The following WAC variants were observed in gnomAD, a reference collection of about 807,000 sequenced individuals.
WAC encodes the protein WW domain-containing adapter protein with coiled-coil.
WAC carries 11 observed loss-of-function variants against 79.6 expected under a neutral mutation model. The ratio of observed to expected loss-of-function variants is 0.14; its 90% CI spans 0.09 to 0.23. The LOEUF is 0.23. Among genes scored for constraint, WAC ranks in the 10% least tolerant of loss-of-function variants. The pLI, the probability that WAC is intolerant of heterozygous loss-of-function variation, is 1.00. For missense variants in WAC, 728 were observed against 773.5 expected (o/e 0.94, Z 0.70); for synonymous variants, 304 against 276.9 (o/e 1.10, Z -0.97).
intron 3 of WAC, 130 bp downstream of exon 3, chr10:28,535,887 A>ATTT: frequency 1.4e-6 from 1 of 714,010 alleles, no homozygotes; most frequent in Non-Finnish European, 2.1e-6. Context: ...TAATCCTATC[A>ATTT]TTTTTTTTTT....
intron 7 of WAC, among the ~76,000 whole-genome samples, chr10:28,601,468 T>A (rs1840645046): frequency 6.6e-6 from 1 of 152,128 alleles, no homozygotes; most frequent in African/African-American, 2.4e-5. Flanking sequence ...GGTAGGAATG[T>A]AAAATGATGC....
At chr10:28,535,286 A>AT (rs369962075) in intron 2 of WAC, 7 of 262,016 alleles carry the variant, frequency 2.7e-5, no homozygotes, top group African/African-American at 1.1e-4. Flanking sequence ...AAATTTTTTT[A>AT]TTTTTTGCAG....
chr10:28,534,998 ATTAGT>A (rs1836556329), intron 2 of WAC, among the ~76,000 whole-genome samples: 1 of 152,152 alleles, frequency 6.6e-6, no homozygotes, highest in South Asian at 2.1e-4. Flanking sequence ...TAGTACTCAC[ATTAGT>A]TTATTTTGGT....
At chr10:28,560,643 C>T (rs1838250162) in intron 3 of WAC, among the ~76,000 whole-genome samples, 1 of 152,132 alleles carries the variant, frequency 6.6e-6, no homozygotes, top group Non-Finnish European at 1.5e-5. Flanking sequence ...GTATATTCCA[C>T]CCAGACTCTT....
chr10:28,614,720 T>G, intron 11 of WAC, 35 bp downstream of exon 11: 2 of 1,489,064 alleles, frequency 1.3e-6, no homozygotes, highest in Non-Finnish European at 1.9e-6. Context: ...CCACATTGTT[T>G]TATTTAATGA....
At chr10:28,616,056 T>A (rs1403814375) in intron 11 of WAC, 117 bp from the exon 12 acceptor site, 1 of 825,684 alleles carries the variant, frequency 1.2e-6, no homozygotes, top group Non-Finnish European at 1.8e-6. Flanking sequence ...AATAACAAAT[T>A]TTTCTTAGGA....
At chr10:28,575,733 A>C (rs1259243768) in intron 3 of WAC, among the ~76,000 whole-genome samples, 1 of 152,178 alleles carries the variant, frequency 6.6e-6, no homozygotes, top group Non-Finnish European at 1.5e-5. Flanking sequence ...GTCTTACCAG[A>C]TGTATGATTA....
intron 5 of WAC, among the ~76,000 whole-genome samples, 192 bp downstream of exon 5, chr10:28,590,043 G>A (rs963500490): frequency 1.4e-4 from 21 of 152,126 alleles, no homozygotes; most frequent in African/African-American, 5.1e-4. Flanking sequence ...AAACCTGGCT[G>A]GGTGCAGTGG....
chr10:28,533,673 G>C, intron 1 of WAC, 53 bp downstream of exon 1: 3 of 1,513,180 alleles, frequency 2.0e-6, no homozygotes, highest in Non-Finnish European at 1.8e-6. Context: ...GGCGGCGGGG[G>C]GGCTGTTCCT....
chr10:28,552,401 T>C (rs1432770366), intron 3 of WAC, among the ~76,000 whole-genome samples: 2 of 152,212 alleles, frequency 1.3e-5, no homozygotes, highest in Non-Finnish European at 2.9e-5. Flanking sequence ...TTCTTCCTTA[T>C]GACATTAGAT....
intron 3 of WAC, among the ~76,000 whole-genome samples, chr10:28,541,074 G>A (rs1038562104): frequency 2.6e-5 from 4 of 151,950 alleles, no homozygotes; most frequent in African/African-American, 7.3e-5. Flanking sequence ...TCAGTATTTT[G>A]GAATGAGTTC....
At chr10:28,584,656 C>T (rs529841240) in intron 4 of WAC, among the ~76,000 whole-genome samples, 74 of 152,256 alleles carry the variant, frequency 4.9e-4, no homozygotes, top group African/African-American at 1.7e-3. Context: ...GAGTGATCAT[C>T]ATGTCTTAAT....
intron 3 of WAC, among the ~76,000 whole-genome samples, chr10:28,575,190 G>A (rs773880835): frequency 1.6e-4 from 24 of 152,090 alleles, no homozygotes; most frequent in Non-Finnish European, 2.8e-4. Flanking sequence ...TTTGGGGTAC[G>A]AATGATCCCA....
At chr10:28,553,450 A>T (rs1171235359) in intron 3 of WAC, among the ~76,000 whole-genome samples, 2 of 152,084 alleles carry the variant, frequency 1.3e-5, no homozygotes, top group African/African-American at 4.8e-5. Context: ...TACAATTTTT[A>T]TTTCTGGTGG....
chr10:28,595,569 T>G (rs901110672), intron 6 of WAC, among the ~76,000 whole-genome samples, 164 bp from the exon 7 acceptor site: 6 of 152,196 alleles, frequency 3.9e-5, no homozygotes, highest in Admixed American at 3.3e-4. Context: ...TACATGCTAG[T>G]GGTAAAACTG....
intron 3 of WAC, among the ~76,000 whole-genome samples, chr10:28,540,972 AC>A (rs1245675953): frequency 1.3e-5 from 2 of 152,120 alleles, no homozygotes; most frequent in African/African-American, 2.4e-5. Context: ...CATTTGTCTT[AC>A]GCTTCTCATA....
chr10:28,588,788 G>GAAA (rs1839947357), intron 4 of WAC: 1 of 151,856 alleles, frequency 6.6e-6, no homozygotes, highest in Non-Finnish European at 1.5e-5. Flanking sequence ...GTGATGTTTC[G>GAAA]ATACATACAG....
At chr10:28,573,770 T>G (rs1839100471) in intron 3 of WAC, among the ~76,000 whole-genome samples, 1 of 152,220 alleles carries the variant, frequency 6.6e-6, no homozygotes, top group African/African-American at 2.4e-5. Flanking sequence ...GTTCACTGAT[T>G]TTTAATATAT....
chr10:28,566,169 TTC>T (rs1426029273), intron 3 of WAC, among the ~76,000 whole-genome samples: 1 of 152,210 alleles, frequency 6.6e-6, no homozygotes, highest in Non-Finnish European at 1.5e-5. Flanking sequence ...GAAGAATACT[TTC>T]TGTCTTACTC....
Sources: allele counts gnomAD v4.1 joint callset (sites outside exome capture counted in the v4.1 genomes callset), GRCh38; gene constraint gnomAD v4.1.1; transcripts MANE v1.5; gene names NCBI Gene and HGNC (gene_info 2026-07-23, HGNC 2026-07-21).